UCMA: variants seen among roughly 807,000 people sequenced by gnomAD.
UCMA encodes upper zone of growth plate and cartilage matrix-associated protein.
A neutral mutation model predicts 21.8 loss-of-function variants in UCMA; 21 were observed. The observed-to-expected ratio is 0.97, with a 90% CI of 0.68 to 1.39. The LOEUF (loss-of-function observed/expected upper bound fraction) is 1.39, where lower values mean the gene tolerates loss of function less well. Among genes scored for constraint, UCMA ranks in the 40% most tolerant of loss-of-function variants. UCMA has a pLI of 0.00. For synonymous variants in UCMA, 76 were observed against 67.9 expected, an observed-to-expected ratio of 1.12 and a Z score of -0.58; for missense variants, 193 against 178.9, an observed-to-expected ratio of 1.08 and a Z score of -0.45.
chr10:13,230,180 C>T (rs1010227005), intron 3 of UCMA, among the ~76,000 whole-genome samples: 2 of 152,154 alleles, frequency 1.3e-5, no homozygotes, highest in East Asian at 1.9e-4. Flanking sequence ...CGGTGGCTCA[C>T]GCCTGTGAGC....
intron 1 of UCMA, 95 bp from the exon 2 acceptor site, chr10:13,233,895 G>A: frequency 6.7e-7 from 1 of 1,498,414 alleles, no homozygotes; most frequent in Non-Finnish European, 9.0e-7. Context: ...TAAGCGTCCT[G>A]CCAGGGCCTG....
chr10:13,233,678 G>A, intron 2 of UCMA, 45 bp from the exon 3 acceptor site: 1 of 1,613,840 alleles, frequency 6.2e-7, no homozygotes, highest in Non-Finnish European at 8.5e-7. Flanking sequence ...GGGGGTGCTG[G>A]GGCTGCTGCT....
rs1473523924 is a variant in UCMA, at chr10:13,222,175, A to G, written c.345T>C (p.Ala115=). The change falls in exon 5 of 5, where the codon GCT becomes GCC. Residue 115 remains alanine, a synonymous_variant. Coordinates refer to ENST00000378681, the MANE Select transcript of UCMA (RefSeq NM_145314.3). ...AGTGCCACTGGCGCCACTGCTCCAC[A>G]GCCTCCCGGCTCCTCTCTTCCTGCT... The part of the protein sequence containing the change: ...NDEQEERSRE[A]VEQWRQWHYD... The G allele has an allele frequency of 1.2e-6, 2 of 1,614,034 alleles. No individual in the cohort carries two copies.
rs4750327 is a variant in UCMA at position 13,233,514 on chromosome 10, A to T, written c.220+24T>A. 1,935 of 1,601,252 alleles carry T rather than the reference A, an allele frequency of 1.2e-3. 24 individuals are homozygous for T. In the African/African-American group the frequency reaches 0.023, roughly 19 times the overall value. ...GAGCAGAGGTGGTGATGGACGCGGGATGGGGTCCCTCCAGCATCCTTACCA... is the reference window on the plus strand; with the variant it reads ...GAGCAGAGGTGGTGATGGACGCGGGTTGGGGTCCCTCCAGCATCCTTACCA... On this transcript the variant is annotated intron_variant, in intron 3 of 4. Transcript: ENST00000378681.
chr10:13,224,293 C>G (rs1834796131), intron 4 of UCMA, among the ~76,000 whole-genome samples: 1 of 146,788 alleles, frequency 6.8e-6, no homozygotes, highest in South Asian at 2.3e-4. Flanking sequence ...TACCACTGCA[C>G]TCCAACCTGG....
Position 13,233,136 on chromosome 10 carries a change from G to A in UCMA, c.220+402C>T, listed in dbSNP as rs72781305. On this transcript the variant is annotated intron_variant, in intron 3 of 4. Coordinates refer to ENST00000378681, the MANE Select transcript of UCMA (RefSeq NM_145314.3). The stretch of plus-strand genomic sequence containing the variant: ...TTGCTCTTATACAGAAGGTGTGCTG[G>A]ACCAGTACCCGCAAAGCACACACTG... Among the ~76,000 whole-genome samples the A allele has an allele frequency of 8.1e-3, 1,240 of 152,200 alleles. 11 individuals carry two copies. The highest frequency in any genetic ancestry group is 0.015 in the Non-Finnish European group (1,028 of 67,994).
At chr10:13,227,155 GCAGGCCTCAGC>G (rs1336710366) in intron 4 of UCMA, among the ~76,000 whole-genome samples, 1 of 152,136 alleles carries the variant, frequency 6.6e-6, no homozygotes, top group Non-Finnish European at 1.5e-5. Context: ...GCACCTGTTT[GCAGGCCTCAGC>G]CAGGTGCACC....
intron 4 of UCMA, among the ~76,000 whole-genome samples, chr10:13,225,741 C>T (rs1284691011): frequency 6.6e-6 from 1 of 151,116 alleles, no homozygotes; most frequent in Non-Finnish European, 1.5e-5. Flanking sequence ...AGGGTCCTGA[C>T]TGACAGGTAT....
chr10:13,233,408 T>G, intron 3 of UCMA, 130 bp downstream of exon 3: 2 of 719,262 alleles, frequency 2.8e-6, no homozygotes, highest in South Asian at 3.4e-5. Flanking sequence ...GCAGTCCCTT[T>G]GATACCCTGG....
Position 13,234,374 on chromosome 10 carries a change from G to A in UCMA, c.-116C>T, listed in dbSNP as rs1466888015. 1.9e-6 allele frequency: 2 copies of A among 1,080,214 alleles called. No homozygotes were observed. Among genetic ancestry groups the A allele is most frequent in the Non-Finnish European group, 2.6e-6 (2 of 755,038 alleles). 66.9% of individuals were successfully genotyped at this position (1,080,214 alleles called of 1,614,324 possible). A position where few individuals can be genotyped will look rare whatever the true frequency, so the allele number is the denominator to read the frequency against. On this transcript the variant is annotated 5_prime_UTR_variant, in exon 1 of 5. Coordinates refer to ENST00000378681, the MANE Select transcript of UCMA (RefSeq NM_145314.3). ...AGGCGAGAGGAAGGAAGGCGGGGGA[G>A]GGAAGAGAGAGGCAGGAGGCTGGGA...
intron 4 of UCMA, among the ~76,000 whole-genome samples, chr10:13,228,389 T>G (rs1834852158): frequency 6.6e-6 from 1 of 152,084 alleles, no homozygotes; most frequent in Admixed American, 6.6e-5. Flanking sequence ...GACCAAGGCT[T>G]AGAGAAGAGG....
intron 3 of UCMA, among the ~76,000 whole-genome samples, chr10:13,231,535 G>A (rs746219227): frequency 2.6e-5 from 4 of 152,150 alleles, no homozygotes; most frequent in Non-Finnish European, 4.4e-5. Context: ...TAGGGTTTAG[G>A]AAGCAGGTAC....
chr10:13,223,319 C>T (rs146648719), intron 4 of UCMA, among the ~76,000 whole-genome samples: 8 of 152,006 alleles, frequency 5.3e-5, no homozygotes, highest in South Asian at 2.1e-4. Flanking sequence ...CGTGAATGTT[C>T]GTAGCGCAAC....
At chr10:13,225,139 A>T (rs1034756871) in intron 4 of UCMA, among the ~76,000 whole-genome samples, 1 of 152,012 alleles carries the variant, frequency 6.6e-6, no homozygotes, top group East Asian at 1.9e-4. Flanking sequence ...AGCTCACTGC[A>T]GCCTCCTGGA....
At chr10:13,231,022 G>A (rs950779782) in intron 3 of UCMA, among the ~76,000 whole-genome samples, 3 of 151,766 alleles carry the variant, frequency 2.0e-5, no homozygotes, top group Admixed American at 1.3e-4. Context: ...ACTCCAGCCT[G>A]GGCAACAGAG....
intron 4 of UCMA, among the ~76,000 whole-genome samples, chr10:13,224,262 G>A (rs560061881): frequency 1.6e-3 from 241 of 152,136 alleles, no homozygotes; most frequent in African/African-American, 5.3e-3. Flanking sequence ...AGGAGGTTGA[G>A]GCTGCAGTGA....
At chr10:13,230,752 T>G (rs1401703611) in intron 3 of UCMA, among the ~76,000 whole-genome samples, 2 of 152,158 alleles carry the variant, frequency 1.3e-5, no homozygotes, top group Middle Eastern at 3.2e-3. Context: ...CTTTGCAAAA[T>G]GATAATATTG....
chr10:13,231,308 C>T (rs1262065113), intron 3 of UCMA, among the ~76,000 whole-genome samples: 3 of 152,104 alleles, frequency 2.0e-5, no homozygotes, highest in African/African-American at 7.2e-5. Context: ...CCATCCATAC[C>T]CATGCCCCAC....
chr10:13,232,592 A>C (rs79733066), intron 3 of UCMA, among the ~76,000 whole-genome samples: 2,172 of 151,994 alleles, frequency 0.014, 60 homozygotes, highest in African/African-American at 0.049. Flanking sequence ...ATACTTATTC[A>C]ATTTTTTTTA....
Sources: gnomAD v4.1 joint callset for allele counts (sites outside exome capture counted in the v4.1 genomes callset) on GRCh38, gnomAD v4.1.1 for gene constraint, MANE v1.5 for transcripts, NCBI Gene and HGNC (gene_info 2026-07-23, HGNC 2026-07-21) for gene names.